Variants in NALCN observed in about 807,000 individuals in gnomAD.
NALCN encodes the protein sodium leak channel, non-selective.
NALCN carries 111 observed loss-of-function variants against 225.3 expected under a neutral mutation model. The ratio of observed to expected loss-of-function variants is 0.49; its 90% CI spans 0.42 to 0.58. The LOEUF (loss-of-function observed/expected upper bound fraction) is 0.58, where lower values mean the gene tolerates loss of function less well. Among genes scored for constraint, NALCN ranks in the 20% least tolerant of loss-of-function variants. NALCN has a pLI of 0.00. For synonymous variants in NALCN, 764 were observed against 769.0 expected (o/e 0.99, Z 0.11); for missense variants, 1,378 against 2,202.4 (o/e 0.63, Z 7.49).
In NALCN at chr13:101,250,881, A is replaced by G. The variant is rs1826908097; in HGVS notation, c.1266+7562T>C. On this transcript the variant is annotated intron_variant, in intron 11 of 43. Coordinates refer to ENST00000251127, the MANE Select transcript of NALCN (RefSeq NM_052867.4). Reference sequence around the variant, plus strand: ...TAAACAGGCAAAATTATAGAAGAGGAAATTCAGGGCTGACAGAATACGAAA... The same window carrying G: ...TAAACAGGCAAAATTATAGAAGAGGGAATTCAGGGCTGACAGAATACGAAA... Among the ~76,000 whole-genome samples the G allele has an allele frequency of 2.6e-5, 4 of 152,154 alleles. No homozygotes were observed. In the South Asian group the frequency reaches 8.3e-4, roughly 32 times the overall value.
intron 11 of NALCN, among the ~76,000 whole-genome samples, chr13:101,248,782 C>A (rs879550161): frequency 6.6e-6 from 1 of 152,158 alleles, no homozygotes; most frequent in African/African-American, 2.4e-5. Flanking sequence ...TGATTTGCAA[C>A]CTTTTTGCTT....
intron 3 of NALCN, among the ~76,000 whole-genome samples, chr13:101,388,307 C>G: frequency 6.6e-6 from 1 of 152,112 alleles, no homozygotes; most frequent in East Asian, 1.9e-4. Context: ...ATAATGTTAA[C>G]AGTGCAATAT....
chr13:101,144,183 T>C (rs1281551212), intron 16 of NALCN, among the ~76,000 whole-genome samples: 1 of 152,350 alleles, frequency 6.6e-6, no homozygotes, highest in South Asian at 2.1e-4. Flanking sequence ...AAGCATCTTT[T>C]ATGCATTTGC....
chr13:101,223,687 T>A (rs1043767928), intron 13 of NALCN, among the ~76,000 whole-genome samples: 1 of 152,150 alleles, frequency 6.6e-6, no homozygotes, highest in African/African-American at 2.4e-5. Flanking sequence ...TCCAGACACA[T>A]AAAGACTCGG....
At chr13:101,098,681 T>TCCCC (rs901291482) in intron 27 of NALCN, among the ~76,000 whole-genome samples, 1 of 152,154 alleles carries the variant, frequency 6.6e-6, no homozygotes, top group African/African-American at 2.4e-5. Flanking sequence ...GTATCTACTT[T>TCCCC]CCCCCTTTCT....
intron 28 of NALCN, among the ~76,000 whole-genome samples, chr13:101,090,338 G>A (rs1243147854): frequency 6.6e-6 from 1 of 152,098 alleles, no homozygotes; most frequent in Non-Finnish European, 1.5e-5. Context: ...TGATTTTATC[G>A]ATTTGCACAA....
At chr13:101,227,684 C>T (rs748955629) in intron 13 of NALCN, among the ~76,000 whole-genome samples, 1 of 152,192 alleles carries the variant, frequency 6.6e-6, no homozygotes, top group Non-Finnish European at 1.5e-5. Flanking sequence ...AACCCCATGT[C>T]TCATCTGCTG....
chr13:101,329,176 T>G (rs979182043), intron 7 of NALCN, among the ~76,000 whole-genome samples: 1 of 152,198 alleles, frequency 6.6e-6, no homozygotes, highest in Non-Finnish European at 1.5e-5. Flanking sequence ...AGATAATATA[T>G]CTGTATGCAC....
Position 101,142,997 on chromosome 13 carries a change from C to T in NALCN, c.2118+83G>A, listed in dbSNP as rs561122695. ...ATTATTCTCTTGAGAAATTGGATTC[C>T]AGGACCCTAAAGAACTCTGCGGTTC... On this transcript the variant is annotated intron_variant, in intron 17 of 43. Transcript: ENST00000251127. 9.9e-5 allele frequency: 150 copies of T among 1,514,110 alleles called. 1 individual carries two copies. The highest frequency in any genetic ancestry group is 8.8e-4 in the South Asian group (78 of 88,162). The allele number at this position is 1,514,110 out of a possible 1,614,324, so 93.8% of individuals were successfully genotyped here. A position where few individuals can be genotyped will look rare whatever the true frequency, so the allele number is the denominator to read the frequency against.
In NALCN at chr13:101,104,297, G is replaced by C. The variant is rs890818947; in HGVS notation, c.2887C>G (p.Leu963Val). The change falls in exon 25 of 44, where the codon CTT (leucine) becomes GTT (valine). Residue 963 changes from leucine to valine, a missense_variant and splice_region_variant. By Grantham distance (32) the Leu-to-Val change is conservative. This residue lies in a region of NALCN where 292 missense variants were observed against 409.5 expected (regional missense o/e 0.71). Coordinates refer to ENST00000251127, the MANE Select transcript of NALCN (RefSeq NM_052867.4). The surrounding 1 kb of genome is among the most constrained non-coding windows in gnomAD (Gnocchi z 4.2). ...TTAGGCAATAAGCAAAGACTTACAA[G>C]ATATATAAATATGTCCATTACTCCA... ...FGGVMDIFIY[L>V]VSLIFLCWMP... The C allele has an allele frequency of 3.8e-6, 6 of 1,592,602 alleles. 1 individual carries two copies. Among genetic ancestry groups the C allele is most frequent in the Non-Finnish European group, 5.1e-6 (6 of 1,174,054 alleles).
At chr13:101,180,765 A>T (rs2039175316) in intron 14 of NALCN, 1 of 277,740 alleles carries the variant, frequency 3.6e-6, no homozygotes, top group Admixed American at 4.3e-5. Flanking sequence ...GGATGTCAAA[A>T]CACACCTGTG....
At chr13:101,233,501 T>C (rs369771815) in intron 12 of NALCN, among the ~76,000 whole-genome samples, 11 of 152,002 alleles carry the variant, frequency 7.2e-5, no homozygotes, top group Admixed American at 5.2e-4. Flanking sequence ...CCACCACGCC[T>C]GGCTAATTTT....
chr13:101,297,089 A>G (rs2043784054), intron 7 of NALCN, among the ~76,000 whole-genome samples: 2 of 152,130 alleles, frequency 1.3e-5, no homozygotes. Flanking sequence ...GAGGTGAGAT[A>G]TTTGTGTTTT....
intron 13 of NALCN, among the ~76,000 whole-genome samples, chr13:101,201,654 C>CT (rs942063495): frequency 5.0e-4 from 75 of 150,872 alleles, no homozygotes; most frequent in Non-Finnish European, 8.0e-4. Context: ...TTACTTCTGA[C>CT]TTTTTTTTTA....
chr13:101,191,486 T>A (rs914960415), intron 14 of NALCN, among the ~76,000 whole-genome samples: 8 of 152,216 alleles, frequency 5.3e-5, no homozygotes, highest in African/African-American at 1.9e-4. Context: ...ATTAACTGAC[T>A]GCACCCTGAG....
chr13:101,054,903 T>C lies in NALCN; in HGVS notation c.*392A>G, dbSNP rs918024492. The C allele has an allele frequency of 1.2e-5, 2 of 164,116 alleles. No individual in the cohort carries two copies. The highest frequency in any genetic ancestry group is 2.4e-5 in the African/African-American group (1 of 42,062). The allele number at this position is 164,116 out of a possible 1,614,324, so 10.2% of individuals were successfully genotyped here. ...AAATGGGAAAGATGTGAACTAAAGCTATAACCCCTGTACCCTAAATATCAG... is the reference window on the plus strand; with the variant it reads ...AAATGGGAAAGATGTGAACTAAAGCCATAACCCCTGTACCCTAAATATCAG... On this transcript the variant is annotated 3_prime_UTR_variant, in exon 44 of 44. Coordinates refer to ENST00000251127, the MANE Select transcript of NALCN (RefSeq NM_052867.4).
At chr13:101,227,434 G>A (rs2041187494) in intron 13 of NALCN, among the ~76,000 whole-genome samples, 1 of 152,052 alleles carries the variant, frequency 6.6e-6, no homozygotes, top group Admixed American at 6.6e-5. Context: ...CCAACCCAGA[G>A]ATTGACTCCT....
chr13:101,063,193 C>T (rs1444979346), intron 40 of NALCN, among the ~76,000 whole-genome samples: 2 of 152,224 alleles, frequency 1.3e-5, no homozygotes, highest in Non-Finnish European at 2.9e-5. Flanking sequence ...TCTGTGAGCT[C>T]AGTTCCATCC....
intron 3 of NALCN, among the ~76,000 whole-genome samples, chr13:101,382,413 A>C (rs1246246652): frequency 6.6e-6 from 1 of 152,150 alleles, no homozygotes; most frequent in Non-Finnish European, 1.5e-5. Flanking sequence ...TTTTAAAAAT[A>C]GCTTTTCAAT....
Sources: gnomAD v4.1 joint callset for allele counts (sites outside exome capture counted in the v4.1 genomes callset) on GRCh38, gnomAD v4.1.1 for gene constraint, gnomAD v4.1.1 regional missense constraint, Gnocchi (gnomAD v3.1) non-coding constraint, MANE v1.5 for transcripts, NCBI Gene and HGNC (gene_info 2026-07-23, HGNC 2026-07-21) for gene names.